Variants in PPP1R3B observed in about 807,000 individuals in gnomAD.
PPP1R3B encodes the protein PP1 subunit R4.
A neutral mutation model predicts 14.6 loss-of-function variants in PPP1R3B; 8 were observed. The observed-to-expected ratio is 0.55, with a 90% CI of 0.32 to 0.99. PPP1R3B has a LOEUF of 0.99. Ranked by LOEUF, PPP1R3B falls within the 50% of genes least tolerant of loss-of-function variation. The pLI is 0.04. For synonymous variants in PPP1R3B, 169 were observed against 142.0 expected, an observed-to-expected ratio of 1.19 and a Z score of -1.35; for missense variants, 452 against 360.1, an observed-to-expected ratio of 1.26 and a Z score of -2.07.
intron 1 of PPP1R3B, among the ~76,000 whole-genome samples, chr8:9,143,644 G>A (rs1026205722): frequency 1.8e-4 from 28 of 152,252 alleles, no homozygotes; most frequent in African/African-American, 6.0e-4. Context: ...GGAGGTTGCA[G>A]TGTGCAGAGA....
chr8:9,141,793 C>A, intron 1 of PPP1R3B, 125 bp from the exon 2 acceptor site: 1 of 917,648 alleles, frequency 1.1e-6, no homozygotes, highest in Non-Finnish European at 1.6e-6. Context: ...GCCCACCTGG[C>A]TACAGGTCAG....
chr8:9,146,405 G>A (rs1361300000), intron 1 of PPP1R3B, among the ~76,000 whole-genome samples: 9 of 152,074 alleles, frequency 5.9e-5, no homozygotes, highest in South Asian at 2.1e-4. Context: ...CAGGCAACAT[G>A]CCAAGTGTCT....
chr8:9,147,338 A>G (rs1036614732), intron 1 of PPP1R3B, among the ~76,000 whole-genome samples: 3 of 152,086 alleles, frequency 2.0e-5, no homozygotes, highest in African/African-American at 7.2e-5. Context: ...ACAAGAGGCT[A>G]TATCTGGCAT....
chr8:9,147,278 G>A (rs759480613), intron 1 of PPP1R3B, among the ~76,000 whole-genome samples: 2 of 152,120 alleles, frequency 1.3e-5, no homozygotes, highest in Non-Finnish European at 2.9e-5. Context: ...TGGGATTATA[G>A]GCATGAGCCA....
Position 9,138,204 on chromosome 8 carries a change from A to T in PPP1R3B, c.*2590T>A, listed in dbSNP as rs1800954568. 6.6e-6 allele frequency: 1 copy of T among 152,224 alleles called. No homozygotes were observed. The highest frequency in any genetic ancestry group is 2.4e-5 in the African/African-American group (1 of 41,454). 9.4% of individuals were successfully genotyped at this position (152,224 alleles called of 1,614,324 possible). Reference sequence around the variant, plus strand: ...TTTGAGTTCGATTTATGCTATTAATAGTTCTGATCACCAAATTTATAACAT... The same window carrying T: ...TTTGAGTTCGATTTATGCTATTAATTGTTCTGATCACCAAATTTATAACAT... On this transcript the variant is annotated 3_prime_UTR_variant, in exon 2 of 2. Transcript: ENST00000310455.
chr8:9,150,314 AAC>A (rs1186857912), intron 1 of PPP1R3B, among the ~76,000 whole-genome samples: 2 of 152,202 alleles, frequency 1.3e-5, no homozygotes, highest in African/African-American at 4.8e-5. Context: ...TTTTTCAGAA[AAC>A]AGTGCTCTGA....
At chr8:9,143,646 G>A (rs1355707678) in intron 1 of PPP1R3B, among the ~76,000 whole-genome samples, 1 of 152,056 alleles carries the variant, frequency 6.6e-6, no homozygotes, top group African/African-American at 2.4e-5. Flanking sequence ...AGGTTGCAGT[G>A]TGCAGAGATC....
upstream of PPP1R3B, among the ~76,000 whole-genome samples, chr8:9,151,168 C>T (rs1191846402): frequency 6.6e-6 from 1 of 152,202 alleles, no homozygotes; most frequent in African/African-American, 2.4e-5. Flanking sequence ...ATCGCCCTCT[C>T]CACGCTGAAG....
chr8:9,150,648 C>G lies in PPP1R3B; in HGVS notation c.-103G>C, dbSNP rs1465432612. 6.6e-6 allele frequency: 1 copy of G among 152,362 alleles called. No homozygotes were observed. Among genetic ancestry groups the G allele is most frequent in the African/African-American group, 2.4e-5 (1 of 41,458 alleles). The allele number at this position is 152,362 out of a possible 1,614,324, so 9.4% of individuals were successfully genotyped here. A position where few individuals can be genotyped will look rare whatever the true frequency, so the allele number is the denominator to read the frequency against. Reference sequence around the variant, plus strand: ...GTTGTGGCAAGCGCGACTACGTGAGCGTCGGTGTGTCCGGGAGGCAGGGCC... The same window carrying G: ...GTTGTGGCAAGCGCGACTACGTGAGGGTCGGTGTGTCCGGGAGGCAGGGCC... On this transcript the variant is annotated 5_prime_UTR_variant, in exon 1 of 2. Transcript: ENST00000310455.
At chr8:9,141,813 T>G in intron 1 of PPP1R3B, 145 bp from the exon 2 acceptor site, 1 of 562,774 alleles carries the variant, frequency 1.8e-6, no homozygotes, top group Non-Finnish European at 2.7e-6. Flanking sequence ...GGATTAACTC[T>G]GGTGTGGTCC....
Position 9,140,795 on chromosome 8 carries a change from T to C in PPP1R3B, c.857A>G (p.Ter286TrpextTer1). ...LGYEKLGPYY[*>W] The stretch of plus-strand genomic sequence containing the variant: ...GCCACGCCCTGTCACCTGCAGTCAC[T>C]AGTAGTAGGGCCCTAGCTTTTCATA... Residue 286 changes from the stop codon to tryptophan (W), a stop_lost, in exon 2 of 2, where the codon TAG (stop) becomes TGG (tryptophan). Transcript: ENST00000310455. 6.2e-7 allele frequency: 1 copy of C among 1,613,662 alleles called. No homozygotes were observed. Among genetic ancestry groups the C allele is most frequent in the Non-Finnish European group, 8.5e-7 (1 of 1,179,782 alleles).
rs1395889489 is a variant in PPP1R3B, at chr8:9,138,021, AAC to A, written c.*2771_*2772del. On this transcript the variant is annotated 3_prime_UTR_variant, in exon 2 of 2. Transcript: ENST00000310455. ...AGATAAAATTAAACTGACTTTATTAAACAGAGTCACTTCAGGCCTTTTTCTTA... is the reference window on the plus strand; with the variant it reads ...AGATAAAATTAAACTGACTTTATTAAAGAGTCACTTCAGGCCTTTTTCTTA... 1 of 152,214 alleles carries A rather than the reference AAC, an allele frequency of 6.6e-6. No homozygotes were observed. Among genetic ancestry groups the A allele is most frequent in the African/African-American group, 2.4e-5 (1 of 41,452 alleles). The allele number at this position is 152,214 out of a possible 1,614,324, so 9.4% of individuals were successfully genotyped here. A position where few individuals can be genotyped will look rare whatever the true frequency, so the allele number is the denominator to read the frequency against.
chr8:9,149,359 T>C (rs533275923), intron 1 of PPP1R3B, among the ~76,000 whole-genome samples: 363 of 123,596 alleles, frequency 2.9e-3, no homozygotes, highest in African/African-American at 0.01. Flanking sequence ...AAAAATTAGC[T>C]GGGCGTGGTG....
In PPP1R3B at chr8:9,139,234, C is replaced by T. The variant is rs976490746; in HGVS notation, c.*1560G>A. ...CACTCGGCCCCAGAGGTCTCTTTTACAACAGCACTAACCAACAGACTTTAG... is the reference window on the plus strand; with the variant it reads ...CACTCGGCCCCAGAGGTCTCTTTTATAACAGCACTAACCAACAGACTTTAG... On this transcript the variant is annotated 3_prime_UTR_variant, in exon 2 of 2. Coordinates refer to ENST00000310455, the MANE Select transcript of PPP1R3B (RefSeq NM_024607.4). 9 of 152,136 alleles carry T rather than the reference C, an allele frequency of 5.9e-5. No homozygotes were observed. Among genetic ancestry groups the T allele is most frequent in the African/African-American group, 1.9e-4 (8 of 41,432 alleles). The allele number at this position is 152,136 out of a possible 1,614,324, so 9.4% of individuals were successfully genotyped here. A position where few individuals can be genotyped will look rare whatever the true frequency, so the allele number is the denominator to read the frequency against.
upstream of PPP1R3B, chr8:9,151,528 C>T (rs1427702859): frequency 9.1e-5 from 20 of 218,770 alleles, 1 homozygote; most frequent in South Asian, 8.8e-4. Context: ...CTCCAGCAGT[C>T]ACCCGGGACT....
chr8:9,147,365 C>T (rs2117617796), intron 1 of PPP1R3B, among the ~76,000 whole-genome samples: 1 of 152,288 alleles, frequency 6.6e-6, no homozygotes, highest in Non-Finnish European at 1.5e-5. Flanking sequence ...GCCCCCCACT[C>T]TACCCATCCT....
intron 1 of PPP1R3B, 85 bp downstream of exon 1, chr8:9,150,478 C>G (rs1452550829): frequency 1.3e-5 from 2 of 152,746 alleles, no homozygotes; most frequent in African/African-American, 4.8e-5. Context: ...TACTCTCCGA[C>G]TCTGTCCCCT....
intron 1 of PPP1R3B, among the ~76,000 whole-genome samples, chr8:9,147,043 C>T (rs540019610): frequency 6.1e-4 from 92 of 151,488 alleles, no homozygotes; most frequent in African/African-American, 1.7e-3. Context: ...AGTGCCGTGG[C>T]GCAATCTCAG....
At chr8:9,144,548 C>A (rs1801177284) in intron 1 of PPP1R3B, among the ~76,000 whole-genome samples, 1 of 152,030 alleles carries the variant, frequency 6.6e-6, no homozygotes, top group African/African-American at 2.4e-5. Context: ...ATTTTTTAAT[C>A]ATTTTTTATC....
Sources: gnomAD v4.1 joint callset for allele counts (sites outside exome capture counted in the v4.1 genomes callset) on GRCh38, gnomAD v4.1.1 for gene constraint, MANE v1.5 for transcripts, NCBI Gene and HGNC (gene_info 2026-07-23, HGNC 2026-07-21) for gene names.